Variants in TTC29 observed in about 807,000 individuals in gnomAD.
TTC29 encodes the protein tetratricopeptide repeat domain 29.
A neutral mutation model predicts 58.1 loss-of-function variants in TTC29; 49 were observed. The ratio of observed to expected loss-of-function variants is 0.84; its 90% confidence interval spans 0.67 to 1.07. The LOEUF is 1.07. Ranked by LOEUF, TTC29 falls within the 50% of genes least tolerant of loss-of-function variation. The probability of loss-of-function intolerance (pLI) is 0.00; values close to 1 mark genes in which losing one functional copy is unlikely to be tolerated. For missense variants in TTC29, 582 were observed against 555.6 expected, an observed-to-expected ratio of 1.05 and a Z score of -0.48; for synonymous variants, 209 against 196.8, an observed-to-expected ratio of 1.06 and a Z score of -0.52.
chr4:146,910,331 G>A (rs1285145253), intron 4 of TTC29, among the ~76,000 whole-genome samples: 2 of 152,058 alleles, frequency 1.3e-5, no homozygotes, highest in Non-Finnish European at 2.9e-5. Context: ...AATACTCTGG[G>A]AAATGTGAAA....
At chr4:146,834,036 G>T in intron 8 of TTC29, 139 bp from the exon 9 acceptor site, 2 of 541,512 alleles carry the variant, frequency 3.7e-6, no homozygotes, top group Non-Finnish European at 6.3e-6. Flanking sequence ...AATTCATGTT[G>T]GTTTGGTTTA....
At chr4:146,740,962 C>T (rs886423929) in intron 11 of TTC29, among the ~76,000 whole-genome samples, 1 of 152,084 alleles carries the variant, frequency 6.6e-6, no homozygotes, top group Non-Finnish European at 1.5e-5. Context: ...GCTCAAACAA[C>T]CCTCCTAAGT....
chr4:146,723,798 C>T (rs1223491825), intron 11 of TTC29, among the ~76,000 whole-genome samples: 1 of 152,134 alleles, frequency 6.6e-6, no homozygotes, highest in Non-Finnish European at 1.5e-5. Flanking sequence ...ATTAGTTCAG[C>T]CACTGTGGAA....
chr4:146,710,738 C>T (rs568522207), intron 11 of TTC29, among the ~76,000 whole-genome samples: 8 of 152,108 alleles, frequency 5.3e-5, no homozygotes, highest in South Asian at 2.1e-4. Flanking sequence ...TTTGCTTATA[C>T]GATCTACATT....
At chr4:146,864,791 T>A (rs1176132194) in intron 8 of TTC29, among the ~76,000 whole-genome samples, 1 of 152,198 alleles carries the variant, frequency 6.6e-6, no homozygotes, top group Non-Finnish European at 1.5e-5. Context: ...CTTCCGCCTT[T>A]TTCTTATAAG....
At chr4:146,747,325 G>A (rs1355923520) in intron 11 of TTC29, among the ~76,000 whole-genome samples, 1 of 152,134 alleles carries the variant, frequency 6.6e-6, no homozygotes, top group Admixed American at 6.5e-5. Flanking sequence ...CTCCAGGGGT[G>A]AGTAGCCATT....
chr4:146,724,062 G>A (rs1246606155), intron 11 of TTC29, among the ~76,000 whole-genome samples: 1 of 152,182 alleles, frequency 6.6e-6, no homozygotes, highest in Non-Finnish European at 1.5e-5. Flanking sequence ...GTGAAATCAT[G>A]TCCTTTGCAG....
At position 146,903,439 on chromosome 4, in the gene TTC29, G is replaced by A; in HGVS notation, c.586+105C>T. On this transcript the variant is annotated intron_variant, in intron 6 of 12. Coordinates refer to ENST00000325106, the MANE Select transcript of TTC29 (RefSeq NM_031956.4). ...TGATCTCAATAATATACATGATTAT[G>A]CTGAAATCTCAGGTCTTTTTTCTCG... 7.8e-6 allele frequency: 8 copies of A among 1,023,984 alleles called. No homozygotes were observed. The South Asian group carries it at 1.5e-4, about 19-fold the overall frequency. 63.4% of individuals were successfully genotyped at this position (1,023,984 alleles called of 1,614,324 possible). A position where few individuals can be genotyped will look rare whatever the true frequency, so the allele number is the denominator to read the frequency against.
At chr4:146,885,865 T>C (rs1326478676) in intron 6 of TTC29, among the ~76,000 whole-genome samples, 4 of 152,136 alleles carry the variant, frequency 2.6e-5, no homozygotes, top group Non-Finnish European at 4.4e-5. Context: ...TACTTTTTTG[T>C]CCCTATTATA....
At chr4:146,781,511 A>C (rs114632380) in intron 11 of TTC29, among the ~76,000 whole-genome samples, 2,577 of 152,030 alleles carry the variant, frequency 0.017, 33 homozygotes, top group Non-Finnish European at 0.027. Flanking sequence ...TGTAAGATTA[A>C]AACCTTGAAA....
chr4:146,754,081 A>G (rs1579597715), intron 11 of TTC29, among the ~76,000 whole-genome samples: 1 of 151,814 alleles, frequency 6.6e-6, no homozygotes, highest in East Asian at 1.9e-4. Context: ...ATAAAATAAA[A>G]ATAAAAAATA....
chr4:146,914,883 C>T (rs1734119470), intron 4 of TTC29, among the ~76,000 whole-genome samples: 2 of 152,042 alleles, frequency 1.3e-5, no homozygotes, highest in Non-Finnish European at 2.9e-5. Flanking sequence ...GGCATAACTC[C>T]ACAGCAGGTG....
chr4:146,808,827 T>C (rs1405368267), intron 10 of TTC29, among the ~76,000 whole-genome samples: 1 of 152,094 alleles, frequency 6.6e-6, no homozygotes, highest in African/African-American at 2.4e-5. Flanking sequence ...AATTTACAGA[T>C]CCAATGCTAT....
At position 146,835,180 on chromosome 4, in the gene TTC29, T is replaced by C. The variant is rs551447090; in HGVS notation, c.886-1283A>G. Among the ~76,000 whole-genome samples the C allele has an allele frequency of 2.0e-4, 30 of 152,306 alleles. No homozygotes were observed. The South Asian group carries it at 6.2e-3, about 32-fold the overall frequency. On this transcript the variant is annotated intron_variant, in intron 8 of 12. Coordinates refer to ENST00000325106, the MANE Select transcript of TTC29 (RefSeq NM_031956.4). ...TTTGATTTTCATTTTTAAGTCTCTT[T>C]TTTTTATTCTTATACTTTACCTAAT...
chr4:146,821,825 G>A (rs922251217), intron 9 of TTC29, among the ~76,000 whole-genome samples: 3 of 152,040 alleles, frequency 2.0e-5, no homozygotes, highest in Non-Finnish European at 2.9e-5. Flanking sequence ...CTAGTTGCTG[G>A]GGAATAAGGT....
At chr4:146,839,535 CGTGTGT>C (rs5862775) in intron 8 of TTC29, among the ~76,000 whole-genome samples, 1,444 of 140,550 alleles carry the variant, frequency 0.01, 18 homozygotes, top group African/African-American at 0.03. Flanking sequence ...TACATGAACT[CGTGTGT>C]GTGTGTGTGT....
intron 6 of TTC29, among the ~76,000 whole-genome samples, chr4:146,880,557 C>T (rs901418263): frequency 1.3e-5 from 2 of 151,918 alleles, no homozygotes; most frequent in African/African-American, 4.8e-5. Flanking sequence ...TGTTGCTTAC[C>T]CTCTTCCCTG....
At chr4:146,747,036 C>A (rs1745599452) in intron 11 of TTC29, among the ~76,000 whole-genome samples, 1 of 152,102 alleles carries the variant, frequency 6.6e-6, no homozygotes, top group South Asian at 2.1e-4. Context: ...ATGTAATCAA[C>A]TTAGAACCAG....
intron 6 of TTC29, among the ~76,000 whole-genome samples, chr4:146,890,435 C>T (rs965801551): frequency 2.0e-5 from 3 of 152,132 alleles, no homozygotes; most frequent in Non-Finnish European, 4.4e-5. Context: ...ATGTGGGACT[C>T]ATGACAGGAG....
Sources: gnomAD v4.1 joint callset for allele counts (sites outside exome capture counted in the v4.1 genomes callset) on GRCh38, gnomAD v4.1.1 for gene constraint, MANE v1.5 for transcripts, NCBI Gene and HGNC (gene_info 2026-07-23, HGNC 2026-07-21) for gene names.